MDN1: variants seen among roughly 807,000 people sequenced by gnomAD.
MDN1 encodes midasin.
In MDN1, 266 loss-of-function variants were observed where a neutral mutation model predicts 669.2. That is an observed-to-expected ratio of 0.40 (90% CI 0.36 to 0.44). The LOEUF is 0.44. MDN1 is among the 20% of genes least tolerant of loss of function. The probability of loss-of-function intolerance (pLI) is 1.00; values close to 1 mark genes in which losing one functional copy is unlikely to be tolerated. For synonymous variants in MDN1, 2,385 were observed against 2,457.1 expected (o/e 0.97, Z 0.87); for missense variants, 5,940 against 6,754.0 (o/e 0.88, Z 4.22).
intron 1 of MDN1, among the ~76,000 whole-genome samples, chr6:89,818,985 T>C (rs1769062650): frequency 6.6e-6 from 1 of 152,152 alleles, no homozygotes; most frequent in Non-Finnish European, 1.5e-5. Flanking sequence ...TTACGAACTG[T>C]CTCCAAAAAC....
chr6:89,812,276 G>A (rs936987245), intron 1 of MDN1, among the ~76,000 whole-genome samples: 5 of 151,758 alleles, frequency 3.3e-5, no homozygotes, highest in Non-Finnish European at 7.4e-5. Context: ...GAGCCACCGC[G>A]CCCAGCCAAG....
intron 52 of MDN1, among the ~76,000 whole-genome samples, chr6:89,706,795 A>T (rs892924669): frequency 2.0e-5 from 3 of 152,194 alleles, no homozygotes; most frequent in Non-Finnish European, 4.4e-5. Flanking sequence ...AACTAAGTAC[A>T]TATGTTTAGA....
intron 2 of MDN1, among the ~76,000 whole-genome samples, chr6:89,796,324 C>CAAAAAAAAAAAAAAAAAA (rs35169575): frequency 1.5e-4 from 7 of 45,368 alleles, no homozygotes; most frequent in East Asian, 1.0e-3. Context: ...AACTCTGTCT[C>CAAAAAAAAAAAAAAAAAA]AAAAAAAAAA....
intron 11 of MDN1, 34 bp downstream of exon 11, chr6:89,780,178 C>T (rs1286862405): frequency 2.3e-6 from 3 of 1,305,564 alleles, no homozygotes; most frequent in Non-Finnish European, 2.1e-6. Context: ...CCTTACAGAA[C>T]CAAGACAAAA....
At chr6:89,757,391 A>G (rs936097445) in intron 19 of MDN1, among the ~76,000 whole-genome samples, 1 of 152,164 alleles carries the variant, frequency 6.6e-6, no homozygotes, top group African/African-American at 2.4e-5. Context: ...GTGTTATGAA[A>G]TTTTTCTAAT....
chr6:89,687,060 A>T, intron 68 of MDN1, 37 bp from the exon 69 acceptor site: 1 of 1,602,764 alleles, frequency 6.2e-7, no homozygotes, highest in Non-Finnish European at 8.5e-7. Context: ...ATTTAGGAAA[A>T]CCTATTTGAA....
intron 89 of MDN1, 94 bp downstream of exon 89, chr6:89,658,516 G>A: frequency 1.3e-6 from 2 of 1,520,802 alleles, no homozygotes. Flanking sequence ...ACATGTTGAT[G>A]GAGGAGTATC....
rs766560196 is a variant in MDN1 at position 89,692,510 on chromosome 6, C to T, written c.10520G>A (p.Arg3507His). 35 of 1,614,070 alleles carry T rather than the reference C, an allele frequency of 2.2e-5. No homozygotes were observed. Among genetic ancestry groups the T allele is most frequent in the African/African-American group, 6.7e-5 (5 of 74,924 alleles). Residue 3507 changes from arginine (R) to histidine (H), a missense_variant, in exon 63 of 102, where the codon CGC (arginine) becomes CAC (histidine). Arg to His is a conservative substitution (Grantham distance 29, BLOSUM62 0). This residue lies in a region of MDN1 where 2,280 missense variants were observed against 2,576.3 expected (regional missense o/e 0.88). Transcript: ENST00000369393. Reference protein sequence around the residue: ...QLLMNALLYLRSHVLCKGELD... With the variant: ...QLLMNALLYLHSHVLCKGELD... Reference sequence around the variant, plus strand: ...CTCTCCCTTGCATAACACGTGGGAGCGCAGGTAAAGGAGAGCATTCATCAG... The same window carrying T: ...CTCTCCCTTGCATAACACGTGGGAGTGCAGGTAAAGGAGAGCATTCATCAG...
chr6:89,742,748 A>T (rs1220654903), intron 31 of MDN1, among the ~76,000 whole-genome samples: 3 of 152,222 alleles, frequency 2.0e-5, no homozygotes, highest in Non-Finnish European at 4.4e-5. Flanking sequence ...CTTTCAAAAT[A>T]TTAAGAGAGT....
intron 35 of MDN1, among the ~76,000 whole-genome samples, 199 bp from the exon 36 acceptor site, chr6:89,729,338 C>T (rs890364165): frequency 4.6e-5 from 7 of 152,228 alleles, no homozygotes; most frequent in East Asian, 1.9e-4. Context: ...TCCAATAACA[C>T]GTTTTCTTCA....
At chr6:89,651,187 T>TG (rs1808832377) in intron 95 of MDN1, among the ~76,000 whole-genome samples, 1 of 146,372 alleles carries the variant, frequency 6.8e-6, no homozygotes, top group Non-Finnish European at 1.5e-5. Flanking sequence ...TAGCTGGGCA[T>TG]GGGGGCAGGC....
Position 89,652,394 on chromosome 6 carries a change from C to A in MDN1, c.15826-113G>T, listed in dbSNP as rs565982231. Reference sequence around the variant, plus strand: ...ACTCAAAGTACATAGTCAAATGCTCCTGAGATTCAAAACTTAATTCAGCAA... The same window carrying A: ...ACTCAAAGTACATAGTCAAATGCTCATGAGATTCAAAACTTAATTCAGCAA... On this transcript the variant is annotated intron_variant, in intron 94 of 101. Coordinates refer to ENST00000369393, the MANE Select transcript of MDN1 (RefSeq NM_014611.3). 3.9e-6 allele frequency: 3 copies of A among 762,312 alleles called. No homozygotes were observed. In the African/African-American group the frequency reaches 5.3e-5, roughly 13 times the overall value. The allele number at this position is 762,312 out of a possible 1,614,324, so 47.2% of individuals were successfully genotyped here. A position where few individuals can be genotyped will look rare whatever the true frequency, so the allele number is the denominator to read the frequency against.
chr6:89,718,720 C>T lies in MDN1; in HGVS notation c.6321+47G>A, dbSNP rs764288725. On this transcript the variant is annotated intron_variant, in intron 42 of 101. Transcript: ENST00000369393. ...ACTCAGAAGACTCTCAGTCAGACCA[C>T]GGGGTTTATTATGCTTTGCCAGAAA... The T allele has an allele frequency of 3.8e-5, 61 of 1,609,610 alleles. 1 individual carries two copies. The highest frequency in any genetic ancestry group is 2.3e-4 in the South Asian group (21 of 91,006).
intron 31 of MDN1, among the ~76,000 whole-genome samples, chr6:89,742,828 C>T (rs1161301137): frequency 6.6e-6 from 1 of 151,964 alleles, no homozygotes; most frequent in East Asian, 1.9e-4. Flanking sequence ...TTCCACGATC[C>T]CATTGTTCTG....
At chr6:89,704,870 G>A (rs1390193919) in intron 53 of MDN1, among the ~76,000 whole-genome samples, 6 of 152,292 alleles carry the variant, frequency 3.9e-5, no homozygotes, top group South Asian at 2.1e-4. Flanking sequence ...GTGAGCCACC[G>A]CACCTGGCCG....
At chr6:89,672,451 A>G in intron 81 of MDN1, 88 bp from the exon 82 acceptor site, 3 of 1,594,256 alleles carry the variant, frequency 1.9e-6, no homozygotes, top group South Asian at 2.3e-5. Context: ...ATCTGTTTCT[A>G]ACATCCATCC....
Position 89,819,629 on chromosome 6 carries a change from G to C in MDN1, c.-22C>G, listed in dbSNP as rs774297581. On this transcript the variant is annotated 5_prime_UTR_variant, in exon 1 of 102. Transcript: ENST00000369393. ...CCATGACCCAGGGCCCTCACCCCGA[G>C]CGGCCACCTGCGCTCCCTACTTCGC... 1 of 1,588,446 alleles carries C rather than the reference G, an allele frequency of 6.3e-7. No individual in the cohort carries two copies. The highest frequency in any genetic ancestry group is 2.2e-5 in the East Asian group (1 of 44,786).
intron 35 of MDN1, among the ~76,000 whole-genome samples, chr6:89,729,452 T>C (rs1034036182): frequency 1.3e-5 from 2 of 152,198 alleles, no homozygotes; most frequent in East Asian, 1.9e-4. Flanking sequence ...CTGTATGTAC[T>C]TGTACAATTT....
intron 87 of MDN1, 66 bp downstream of exon 87, chr6:89,662,021 G>A: frequency 6.5e-7 from 1 of 1,541,456 alleles, no homozygotes; most frequent in Non-Finnish European, 8.7e-7. Flanking sequence ...GACACCTTGA[G>A]AACTATACAG....
Sources: allele counts gnomAD v4.1 joint callset (sites outside exome capture counted in the v4.1 genomes callset), GRCh38; gene constraint gnomAD v4.1.1; regional missense constraint gnomAD v4.1.1; transcripts MANE v1.5; gene names NCBI Gene and HGNC (gene_info 2026-07-23, HGNC 2026-07-21).